The following RAB40B variants were observed in gnomAD, a reference collection of about 807,000 sequenced individuals.
The protein encoded by RAB40B is RAB40B, member RAS oncogene family.
RAB40B carries 21 observed loss-of-function variants against 24.0 expected under a neutral mutation model. The observed-to-expected ratio is 0.88, with a 90% CI of 0.62 to 1.26. RAB40B has a LOEUF of 1.26. Among genes scored for constraint, RAB40B ranks in the 50% most tolerant of loss-of-function variants. The pLI, the probability that RAB40B is intolerant of heterozygous loss-of-function variation, is 0.00. For synonymous variants in RAB40B, 167 were observed against 169.8 expected (o/e 0.98, Z 0.13); for missense variants, 348 against 390.5 (o/e 0.89, Z 0.92).
intron 2 of RAB40B, chr17:82,662,208 T>C: frequency 1.0e-6 from 1 of 985,454 alleles, no homozygotes; most frequent in Non-Finnish European, 1.2e-6. Context: ...ACACTGGCCA[T>C]TGCCAAAGCC....
intron 1 of RAB40B, among the ~76,000 whole-genome samples, chr17:82,671,662 T>C (rs1343504676): frequency 1.6e-4 from 5 of 30,688 alleles, no homozygotes; most frequent in African/African-American, 3.2e-4. Context: ...CACCCTGTAC[T>C]CACTGACACA....
chr17:82,684,868 C>A (rs2046481456), intron 1 of RAB40B, among the ~76,000 whole-genome samples: 1 of 152,158 alleles, frequency 6.6e-6, no homozygotes. Flanking sequence ...AATCCTAGAA[C>A]TCTGGGAGGT....
rs921379643 is a variant in RAB40B at position 82,697,638 on chromosome 17, T to C, written c.142+817A>G. ...GGTGAAGGCCCCGCCTGCTCCTCAC[T>C]CCCAGCCGAGGTGTTCGCCTCTGCG... On this transcript the variant is annotated intron_variant, in intron 1 of 5. Transcript: ENST00000571995. This position sits in a 1 kb window ranked among gnomAD's most constrained non-coding sequence, Gnocchi z 4.9. 2.0e-5 allele frequency among the ~76,000 whole-genome samples: 3 copies of C among 152,154 alleles called. No individual in the cohort carries two copies. Among genetic ancestry groups the C allele is most frequent in the African/African-American group, 7.2e-5 (3 of 41,442 alleles).
rs1014850385 is a variant in RAB40B, at chr17:82,692,704, A to AT, written c.142+5750dup. On this transcript the variant is annotated intron_variant, in intron 1 of 5. Transcript: ENST00000571995. The surrounding 1 kb of genome is among the most constrained non-coding windows in gnomAD (Gnocchi z 4.0). ...AGGTAAAACGATGCTTGTAGAGAACATTTTTTTTTTAAATCTGGGAGCAGC... is the reference window on the plus strand; with the variant it reads ...AGGTAAAACGATGCTTGTAGAGAACATTTTTTTTTTTAAATCTGGGAGCAGC... Among the ~76,000 whole-genome samples the AT allele has an allele frequency of 1.6e-4, 24 of 150,770 alleles. No homozygotes were observed. Among genetic ancestry groups the AT allele is most frequent in the South Asian group, 4.2e-4 (2 of 4,736 alleles).
chr17:82,670,612 G>GT (rs1195397278), intron 1 of RAB40B, among the ~76,000 whole-genome samples: 1 of 146,436 alleles, frequency 6.8e-6, no homozygotes, highest in Non-Finnish European at 1.5e-5. Context: ...TCAGCTCATT[G>GT]TAACCTCCGC....
intron 1 of RAB40B, chr17:82,664,879 C>T (rs985893938): frequency 7.8e-6 from 2 of 257,736 alleles, no homozygotes; most frequent in Non-Finnish European, 1.5e-5. Flanking sequence ...GGGCTGTGGC[C>T]GCTGGGTGTG....
chr17:82,679,714 A>T (rs573530335), intron 1 of RAB40B, among the ~76,000 whole-genome samples: 16 of 35,182 alleles, frequency 4.5e-4, no homozygotes, highest in African/African-American at 1.5e-3. Flanking sequence ...TGCCCCGCCC[A>T]GTCACTAAGC....
At chr17:82,662,240 C>T (rs1485664244) in intron 2 of RAB40B, 2 of 985,352 alleles carry the variant, frequency 2.0e-6, no homozygotes, top group Non-Finnish European at 2.4e-6. Flanking sequence ...GCCTCATTTC[C>T]TGAGAAGCAA....
chr17:82,679,777 C>CCAGCCTCCACCAAGCACAGGGT (rs2046431318), intron 1 of RAB40B, among the ~76,000 whole-genome samples: 1 of 16,686 alleles, frequency 6.0e-5, no homozygotes, highest in Non-Finnish European at 1.3e-4. Context: ...AAGCACAGGG[C>CCAGCCTCCACCAAGCACAGGGT]AGGGGCCAGC....
chr17:82,668,726 G>A (rs1381780525), intron 1 of RAB40B, among the ~76,000 whole-genome samples: 7 of 152,222 alleles, frequency 4.6e-5, no homozygotes, highest in African/African-American at 1.7e-4. Context: ...GGGGGCAGGG[G>A]TGGCCTTCCC....
intron 1 of RAB40B, among the ~76,000 whole-genome samples, chr17:82,684,351 G>A (rs2046476142): frequency 1.3e-5 from 2 of 152,130 alleles, no homozygotes; most frequent in African/African-American, 4.8e-5. Flanking sequence ...TGCAAACGGT[G>A]TGGTCAGTGT....
intron 3 of RAB40B, among the ~76,000 whole-genome samples, chr17:82,660,124 CGT>C (rs1181343150): frequency 1.3e-5 from 2 of 151,776 alleles, no homozygotes; most frequent in Admixed American, 1.3e-4. Context: ...TACCTGCACA[CGT>C]GTACACACGT....
intron 1 of RAB40B, among the ~76,000 whole-genome samples, chr17:82,678,886 T>C (rs1244393047): frequency 7.0e-6 from 1 of 142,290 alleles, no homozygotes; most frequent in Non-Finnish European, 1.5e-5. Context: ...TGCGTTTTTT[T>C]TTTTTTTTTT....
At chr17:82,683,855 G>T (rs2046469496) in intron 1 of RAB40B, among the ~76,000 whole-genome samples, 2 of 148,572 alleles carry the variant, frequency 1.3e-5, no homozygotes, top group African/African-American at 2.5e-5. Context: ...GTGGGCAAAA[G>T]ATCTGAAAAG....
chr17:82,682,427 T>C (rs1022761090), intron 1 of RAB40B, among the ~76,000 whole-genome samples: 4 of 152,160 alleles, frequency 2.6e-5, no homozygotes, highest in African/African-American at 9.7e-5. Flanking sequence ...CCTAAATAAA[T>C]GGAGAGACAT....
intron 1 of RAB40B, among the ~76,000 whole-genome samples, chr17:82,679,085 G>A (rs922157621): frequency 3.3e-5 from 5 of 150,310 alleles, no homozygotes; most frequent in East Asian, 2.0e-4. Flanking sequence ...GGGTTTCACC[G>A]TGTTAGCCAG....
At chr17:82,685,859 G>A (rs909626922) in intron 1 of RAB40B, among the ~76,000 whole-genome samples, 27 of 150,468 alleles carry the variant, frequency 1.8e-4, no homozygotes, top group African/African-American at 5.6e-4. Flanking sequence ...GCTGGAGTGC[G>A]ATGGTGCGAT....
At chr17:82,685,525 C>A (rs1230477412) in intron 1 of RAB40B, among the ~76,000 whole-genome samples, 1 of 152,152 alleles carries the variant, frequency 6.6e-6, no homozygotes, top group African/African-American at 2.4e-5. Context: ...TCAGATGGGG[C>A]GGGCCCCAGG....
intron 1 of RAB40B, among the ~76,000 whole-genome samples, chr17:82,671,571 C>T (rs1173237293): frequency 1.0e-3 from 157 of 151,082 alleles, no homozygotes; most frequent in African/African-American, 3.7e-3. Flanking sequence ...ACACACCCCA[C>T]CCCTGTAACT....
Sources: allele counts gnomAD v4.1 joint callset (sites outside exome capture counted in the v4.1 genomes callset), GRCh38; gene constraint gnomAD v4.1.1; non-coding constraint Gnocchi (gnomAD v3.1); transcripts MANE v1.5; gene names NCBI Gene and HGNC (gene_info 2026-07-23, HGNC 2026-07-21).